The following PHYHD1 variants were observed in gnomAD, a reference collection of about 807,000 sequenced individuals.
PHYHD1 encodes the protein phytanoyl-CoA dioxygenase domain-containing protein 1.
In PHYHD1, 42 loss-of-function variants were observed where a neutral mutation model predicts 43.6. The observed-to-expected ratio is 0.96, with a 90% CI of 0.75 to 1.25. The LOEUF is 1.25. Ranked by LOEUF, PHYHD1 falls within the 50% of genes most tolerant of loss-of-function variation. PHYHD1 has a pLI of 0.00. For missense variants in PHYHD1, 342 were observed against 370.8 expected, an observed-to-expected ratio of 0.92 and a Z score of 0.64; for synonymous variants, 139 against 143.6, an observed-to-expected ratio of 0.97 and a Z score of 0.23.
chr9:128,935,568 A>AAG (rs1019635601), intron 6 of PHYHD1, among the ~76,000 whole-genome samples: 3 of 142,028 alleles, frequency 2.1e-5, no homozygotes, highest in African/African-American at 7.9e-5. Flanking sequence ...CAAAAAAAAA[A>AAG]AAAAAAAGAA....
intron 12 of PHYHD1, 46 bp from the exon 13 acceptor site, chr9:128,941,622 A>G (rs2131122532): frequency 6.2e-7 from 1 of 1,614,132 alleles, no homozygotes; most frequent in South Asian, 1.1e-5. Context: ...GAGGCTGGGA[A>G]CAGTGACCCT....
chr9:128,927,107 A>T lies in PHYHD1; in HGVS notation c.103A>T (p.Arg35Trp), dbSNP rs149087529. ...SAEECVAMQQ[R>W]IGEIVAEMDV... ...GGAAGAGTGTGTGGCCATGCAACAA[A>T]GGATTGGCGAGATAGTGGCTGAAAT... The change falls in exon 4 of 13, where the codon AGG (arginine) becomes TGG (tryptophan). Residue 35 changes from arginine to tryptophan, a missense_variant. Transcript: ENST00000372592. The T allele has an allele frequency of 1.1e-4, 170 of 1,614,088 alleles. No individual in the cohort carries two copies. Among genetic ancestry groups the T allele is most frequent in the African/African-American group, 6.4e-4 (48 of 75,008 alleles).
chr9:128,933,222 C>T (rs1322862456), intron 4 of PHYHD1, among the ~76,000 whole-genome samples: 2 of 139,324 alleles, frequency 1.4e-5, no homozygotes, highest in African/African-American at 2.7e-5. Context: ...AGTGCAATCT[C>T]GGCTCACTGC....
intron 4 of PHYHD1, among the ~76,000 whole-genome samples, chr9:128,931,310 C>T (rs962167622): frequency 6.6e-6 from 1 of 151,944 alleles, no homozygotes; most frequent in African/African-American, 2.4e-5. Context: ...CGTGGTTTCA[C>T]CATGTTGGCC....
intron 6 of PHYHD1, 32 bp from the exon 7 acceptor site, chr9:128,936,416 G>C (rs1387316243): frequency 2.5e-6 from 4 of 1,596,202 alleles, no homozygotes; most frequent in Non-Finnish European, 3.4e-6. Flanking sequence ...GTGGGCCTGA[G>C]ATGGGGCCGA....
Position 128,940,413 on chromosome 9 carries a change from G to A in PHYHD1, c.502G>A (p.Gly168Ser). ...CTCCTTCCTGTACACGGAGCCCCTG[G>A]GCCGGGTGCTGGGCGTGTGGATCGC... is the stretch of plus-strand genomic sequence containing the variant. ...DASFLYTEPLGRVLGVWIAVE... is the reference protein window; with the variant it reads ...DASFLYTEPLSRVLGVWIAVE... The change falls in exon 10 of 13, where the codon GGC becomes AGC. Residue 168 changes from glycine (G) to serine (S), a missense_variant. By Grantham distance (56) the Gly-to-Ser change is moderately conservative (BLOSUM62 0). Coordinates refer to ENST00000372592, the MANE Select transcript of PHYHD1 (RefSeq NM_001100876.2). 1 of 1,614,160 alleles carries A rather than the reference G, an allele frequency of 6.2e-7. No homozygotes were observed. The highest frequency in any genetic ancestry group is 8.5e-7 in the Non-Finnish European group (1 of 1,180,036).
At chr9:128,922,386 G>A in intron 3 of PHYHD1, 30 bp downstream of exon 3, 1 of 1,546,862 alleles carries the variant, frequency 6.5e-7, no homozygotes, top group Non-Finnish European at 8.7e-7. Flanking sequence ...GGCCGGGAGG[G>A]TCATGGCGGG....
intron 4 of PHYHD1, 137 bp downstream of exon 4, chr9:128,927,333 C>A: frequency 1.0e-6 from 1 of 996,892 alleles, no homozygotes; most frequent in Non-Finnish European, 1.5e-6. Flanking sequence ...CTTTCCCTCG[C>A]TCCTCACTGG....
At chr9:128,937,904 A>T in intron 9 of PHYHD1, 126 bp downstream of exon 9, 1 of 1,552,468 alleles carries the variant, frequency 6.4e-7, no homozygotes, top group South Asian at 1.2e-5. Flanking sequence ...TGGCCCGGAG[A>T]GGAGGAGCCA....
intron 4 of PHYHD1, among the ~76,000 whole-genome samples, chr9:128,927,507 C>T (rs565508447): frequency 6.6e-6 from 1 of 152,316 alleles, no homozygotes; most frequent in South Asian, 2.1e-4. Context: ...TCCTGAGTAG[C>T]TGCACTTACA....
chr9:128,933,663 C>G (rs1012411544), intron 4 of PHYHD1, 119 bp from the exon 5 acceptor site: 3 of 1,081,052 alleles, frequency 2.8e-6, no homozygotes, highest in Non-Finnish European at 4.3e-6. Flanking sequence ...GTCTGAGAAG[C>G]CCCCAGGGTG....
At chr9:128,940,918 A>C (rs567665394) in intron 11 of PHYHD1, among the ~76,000 whole-genome samples, 8 of 152,302 alleles carry the variant, frequency 5.3e-5, no homozygotes, top group African/African-American at 1.9e-4. Flanking sequence ...CCTGGAATCC[A>C]CACTCTGCTA....
intron 6 of PHYHD1, 23 bp from the exon 7 acceptor site, chr9:128,936,425 G>A (rs773625568): frequency 3.7e-6 from 6 of 1,603,760 alleles, no homozygotes; most frequent in East Asian, 4.5e-5. Flanking sequence ...AGATGGGGCC[G>A]ACAGCTTCCT....
chr9:128,931,773 C>T (rs1295687751), intron 4 of PHYHD1, among the ~76,000 whole-genome samples: 3 of 152,020 alleles, frequency 2.0e-5, no homozygotes, highest in East Asian at 1.9e-4. Flanking sequence ...GTGATCCGTC[C>T]GCCTCAGCCT....
intron 11 of PHYHD1, 50 bp from the exon 12 acceptor site, chr9:128,941,395 A>AG (rs758538624): frequency 6.2e-7 from 1 of 1,601,440 alleles, no homozygotes; most frequent in Admixed American, 1.7e-5. Context: ...TGCTCTGGGG[A>AG]GGGGGGATGT....
In PHYHD1 at chr9:128,939,732, G is replaced by GC. The variant is rs1291189797; in HGVS notation, c.458-636dup. Among the ~76,000 whole-genome samples, 23 of 116,948 alleles carry GC rather than the reference G, an allele frequency of 2.0e-4. 2 individuals carry two copies. Among genetic ancestry groups the GC allele is most frequent in the African/African-American group, 6.6e-4 (23 of 34,768 alleles). 76.7% of individuals were successfully genotyped at this position (116,948 alleles called of 152,430 possible). A position where few individuals can be genotyped will look rare whatever the true frequency, so the allele number is the denominator to read the frequency against. On this transcript the variant is annotated intron_variant, in intron 9 of 12. Coordinates refer to ENST00000372592, the MANE Select transcript of PHYHD1 (RefSeq NM_001100876.2). Reference sequence around the variant, plus strand: ...TGAGGTGGCACAGTCTCGGCTCACTGCAAGTTCTGCCTCCCGAGTTCAAGC... The same window carrying GC: ...TGAGGTGGCACAGTCTCGGCTCACTGCCAAGTTCTGCCTCCCGAGTTCAAGC...
At chr9:128,933,744 G>T in intron 4 of PHYHD1, 38 bp from the exon 5 acceptor site, 1 of 1,599,104 alleles carries the variant, frequency 6.3e-7, no homozygotes, top group African/African-American at 1.3e-5. Context: ...TCTGACCCCA[G>T]GATGCTGTCT....
At chr9:128,932,166 A>ATTTTT (rs1564540372) in intron 4 of PHYHD1, among the ~76,000 whole-genome samples, 26 of 122,708 alleles carry the variant, frequency 2.1e-4, no homozygotes, top group African/African-American at 8.7e-4. Context: ...TATTATTATT[A>ATTTTT]TTGTTATTAT....
intron 3 of PHYHD1, among the ~76,000 whole-genome samples, chr9:128,923,352 CAAGGCATGAG>C (rs1841052447): frequency 6.6e-6 from 1 of 152,134 alleles, no homozygotes; most frequent in Non-Finnish European, 1.5e-5. Flanking sequence ...GCTGGGACAA[CAAGGCATGAG>C]CCACCGCGCC....
Sources: gnomAD v4.1 joint callset for allele counts (sites outside exome capture counted in the v4.1 genomes callset) on GRCh38, gnomAD v4.1.1 for gene constraint, MANE v1.5 for transcripts, NCBI Gene and HGNC (gene_info 2026-07-23, HGNC 2026-07-21) for gene names.